Variants in LRRK1 observed in about 807,000 individuals in gnomAD.
LRRK1 encodes the protein leucine-rich repeat serine/threonine-protein kinase 1.
In LRRK1, 113 loss-of-function variants were observed where a neutral mutation model predicts 209.1. The ratio of observed to expected loss-of-function variants is 0.54; its 90% CI spans 0.46 to 0.63. LRRK1 has a LOEUF of 0.63. Ranked by LOEUF, LRRK1 falls within the 30% of genes least tolerant of loss-of-function variation. LRRK1 has a pLI of 0.00. For missense variants in LRRK1, 2,284 were observed against 2,632.2 expected (o/e 0.87, Z 2.89); for synonymous variants, 1,144 against 1,099.7 (o/e 1.04, Z -0.80).
chr15:101,066,705 T>C lies in LRRK1; in HGVS notation c.5834T>C (p.Ile1945Thr), dbSNP rs370701948. Residue 1945 changes from isoleucine to threonine, a missense_variant, in exon 33 of 34, where the codon ATT becomes ACT. Around this residue, in one of 6 missense-constraint regions of LRRK1, gnomAD observed 643 missense variants for 695.9 expected, o/e 0.92. Coordinates refer to ENST00000388948, the MANE Select transcript of LRRK1 (RefSeq NM_024652.6). ...KDSGAQRGRVIAVLKARELTP... is the reference protein window; with the variant it reads ...KDSGAQRGRVTAVLKARELTP... ...TCTGGCGCCCAGCGGGGCCGAGTCATTGCCGTCTTAAAAGCCCGAGAGCTG... is the reference window on the plus strand; with the variant it reads ...TCTGGCGCCCAGCGGGGCCGAGTCACTGCCGTCTTAAAAGCCCGAGAGCTG... The C allele has an allele frequency of 5.6e-5, 90 of 1,614,094 alleles. No individual in the cohort carries two copies. The highest frequency in any genetic ancestry group is 3.3e-4 in the Middle Eastern group (2 of 6,084).
At chr15:100,965,898 C>T (rs372184156) in intron 2 of LRRK1, among the ~76,000 whole-genome samples, 1 of 152,128 alleles carries the variant, frequency 6.6e-6, no homozygotes. Context: ...TTTGAAACTG[C>T]ATTATAGCAA....
At chr15:101,054,856 C>A in intron 26 of LRRK1, 90 bp from the exon 27 acceptor site, 2 of 1,134,114 alleles carry the variant, frequency 1.8e-6, no homozygotes, top group Admixed American at 2.3e-5. Context: ...CTAGGGAGAT[C>A]GGAAGACAAA....
chr15:101,017,347 G>A (rs917405470), intron 12 of LRRK1, among the ~76,000 whole-genome samples: 4 of 152,200 alleles, frequency 2.6e-5, no homozygotes, highest in East Asian at 1.9e-4. Context: ...CCATAAGAGC[G>A]TGTGTATTTA....
intron 2 of LRRK1, among the ~76,000 whole-genome samples, chr15:100,960,574 G>A (rs182897365): frequency 2.6e-3 from 403 of 152,138 alleles, no homozygotes; most frequent in African/African-American, 9.1e-3. Flanking sequence ...TTTGTCTGTT[G>A]GCTCTCCCAA....
chr15:100,974,035 G>A, intron 3 of LRRK1, 68 bp downstream of exon 3: 1 of 1,193,522 alleles, frequency 8.4e-7, no homozygotes, highest in South Asian at 4.3e-5. Context: ...CCGCTCAGAT[G>A]ATTTTCTCGT....
intron 2 of LRRK1, among the ~76,000 whole-genome samples, chr15:100,973,100 C>T (rs2141652058): frequency 6.6e-6 from 1 of 152,350 alleles, no homozygotes. Context: ...AGCGAGGGCT[C>T]GGCCTGCCGT....
At chr15:100,978,538 C>T (rs12903343) in intron 3 of LRRK1, among the ~76,000 whole-genome samples, 30,458 of 151,926 alleles carry the variant, frequency 0.2, 3,590 homozygotes, top group African/African-American at 0.33. Flanking sequence ...ATCCAAAAGA[C>T]AAAAATCACC....
At chr15:101,040,728 C>T (rs973448733) in intron 20 of LRRK1, among the ~76,000 whole-genome samples, 2 of 152,020 alleles carry the variant, frequency 1.3e-5, no homozygotes, top group East Asian at 1.9e-4. Context: ...TCATTTAGTT[C>T]GAAAGATTTT....
chr15:100,968,183 C>T (rs2141645120), intron 2 of LRRK1, among the ~76,000 whole-genome samples: 1 of 152,236 alleles, frequency 6.6e-6, no homozygotes, highest in South Asian at 2.1e-4. Context: ...TCAGTCTTTC[C>T]ATAGATCAAT....
chr15:101,066,326 T>C (rs2036529438), intron 32 of LRRK1, 121 bp downstream of exon 32: 2 of 1,347,398 alleles, frequency 1.5e-6, no homozygotes, highest in Admixed American at 2.3e-5. Flanking sequence ...GTGCTGTTCT[T>C]CCAAGAGGGT....
At chr15:101,037,159 C>T (rs1226085919) in intron 20 of LRRK1, among the ~76,000 whole-genome samples, 2 of 152,158 alleles carry the variant, frequency 1.3e-5, no homozygotes, top group Non-Finnish European at 2.9e-5. Context: ...CCCTAGGCAG[C>T]TGGCATGGTG....
At chr15:101,056,792 A>C (rs1170721968) in intron 27 of LRRK1, 64 bp from the exon 28 acceptor site, 2 of 1,364,842 alleles carry the variant, frequency 1.5e-6, no homozygotes, top group African/African-American at 2.9e-5. Context: ...CCTCCACCTG[A>C]GGGCCACCTT....
intron 2 of LRRK1, among the ~76,000 whole-genome samples, chr15:100,937,006 T>A (rs1741357513): frequency 6.6e-6 from 1 of 152,250 alleles, no homozygotes; most frequent in South Asian, 2.1e-4. Context: ...TCACTTTGCC[T>A]ATAAAACCAT....
At position 100,953,558 on chromosome 15, in the gene LRRK1, G is replaced by T. The variant is rs1451257855; in HGVS notation, c.98-20246G>T. 2.7e-5 allele frequency among the ~76,000 whole-genome samples: 4 copies of T among 150,608 alleles called. No homozygotes were observed. The East Asian group carries it at 5.8e-4, about 22-fold the overall frequency. On this transcript the variant is annotated intron_variant, in intron 2 of 33. Transcript: ENST00000388948. ...TACACACATATGTATATGTATATAA[G>T]CCATATTTTCTCTCTCCATCTGTCA...
At position 101,024,230 on chromosome 15, in the gene LRRK1, T is replaced by TA. The variant is rs2033921374; in HGVS notation, c.2068-573_2068-572insA. Among the ~76,000 whole-genome samples the TA allele has an allele frequency of 6.6e-6, 1 of 152,258 alleles. No individual in the cohort carries two copies. ...TGCTGCCTCACAGAGATGACTCCTTTCTGTAGAAAACTGCAGCCTTAGCAT... is the reference window on the plus strand; with the variant it reads ...TGCTGCCTCACAGAGATGACTCCTTTACTGTAGAAAACTGCAGCCTTAGCAT... On this transcript the variant is annotated intron_variant, in intron 15 of 33. Transcript: ENST00000388948. The surrounding 1 kb of genome is among the most constrained non-coding windows in gnomAD (Gnocchi z 4.6).
intron 24 of LRRK1, 140 bp from the exon 25 acceptor site, chr15:101,052,782 G>GGGCC: frequency 2.0e-6 from 2 of 991,972 alleles, no homozygotes. Context: ...ACAAGTGGCA[G>GGGCC]GGCCGGGGTG....
At chr15:100,985,739 A>T (rs907358729) in intron 4 of LRRK1, among the ~76,000 whole-genome samples, 1 of 152,234 alleles carries the variant, frequency 6.6e-6, no homozygotes, top group Non-Finnish European at 1.5e-5. Context: ...CTCAACTCTG[A>T]GCAAAGCTGC....
rs2036742498 is a variant in LRRK1 at position 101,070,201 on chromosome 15, C to A, written c.*1353C>A. ...CTCGCTGTCTGGGGATAATGGGCAG[C>A]CCCTCCTTGCCCACTGTGCCAACAT... On this transcript the variant is annotated 3_prime_UTR_variant, in exon 34 of 34. Transcript: ENST00000388948. The A allele has an allele frequency of 6.6e-6, 1 of 152,180 alleles. No homozygotes were observed. Among genetic ancestry groups the A allele is most frequent in the Non-Finnish European group, 1.5e-5 (1 of 68,062 alleles). The allele number at this position is 152,180 out of a possible 1,614,324, so 9.4% of individuals were successfully genotyped here.
intron 6 of LRRK1, among the ~76,000 whole-genome samples, chr15:100,997,277 G>A (rs1395713540): frequency 2.6e-5 from 4 of 152,040 alleles, no homozygotes; most frequent in East Asian, 1.9e-4. Context: ...AAAATATTTC[G>A]GAAAAAATAA....
Sources: allele counts gnomAD v4.1 joint callset (sites outside exome capture counted in the v4.1 genomes callset), GRCh38; gene constraint gnomAD v4.1.1; regional missense constraint gnomAD v4.1.1; non-coding constraint Gnocchi (gnomAD v3.1); transcripts MANE v1.5; gene names NCBI Gene and HGNC (gene_info 2026-07-23, HGNC 2026-07-21).